Variants in ANGPT1 observed in about 807,000 individuals in gnomAD.
ANGPT1 encodes the protein angiopoietin 1.
In ANGPT1, 17 loss-of-function variants were observed where a neutral mutation model predicts 62.2. The ratio of observed to expected loss-of-function variants is 0.27; its 90% CI spans 0.19 to 0.41. The LOEUF (loss-of-function observed/expected upper bound fraction) is 0.41, where lower values mean the gene tolerates loss of function less well. Among genes scored for constraint, ANGPT1 ranks in the 10% least tolerant of loss-of-function variants. The pLI, the probability that ANGPT1 is intolerant of heterozygous loss-of-function variation, is 1.00. For synonymous variants in ANGPT1, 199 were observed against 198.9 expected, an observed-to-expected ratio of 1.00 and a Z score of 0.00; for missense variants, 478 against 594.9, an observed-to-expected ratio of 0.80 and a Z score of 2.04.
chr8:107,330,635 C>T (rs953249936), intron 3 of ANGPT1, among the ~76,000 whole-genome samples: 5 of 152,098 alleles, frequency 3.3e-5, no homozygotes, highest in African/African-American at 1.2e-4. Flanking sequence ...TGGCACATAG[C>T]TTAAACCCAG....
intron 5 of ANGPT1, among the ~76,000 whole-genome samples, chr8:107,301,156 A>T (rs1247248325): frequency 2.6e-5 from 4 of 151,964 alleles, no homozygotes; most frequent in Non-Finnish European, 5.9e-5. Context: ...TGATGAAGTC[A>T]AAAAAATTCT....
At chr8:107,348,278 A>G (rs1815855538) in intron 1 of ANGPT1, among the ~76,000 whole-genome samples, 1 of 152,190 alleles carries the variant, frequency 6.6e-6, no homozygotes, top group South Asian at 2.1e-4. Context: ...TAATACATCC[A>G]CTATTTCATA....
intron 1 of ANGPT1, among the ~76,000 whole-genome samples, chr8:107,468,459 T>C (rs1006864880): frequency 2.0e-5 from 3 of 152,114 alleles, no homozygotes; most frequent in African/African-American, 7.2e-5. Context: ...TTTGTAGTCA[T>C]ATCCTTTAAT....
chr8:107,432,402 C>T lies in ANGPT1; in HGVS notation c.297+64860G>A, dbSNP rs760515825. Among the ~76,000 whole-genome samples the T allele has an allele frequency of 2.6e-5, 4 of 152,264 alleles. No homozygotes were observed. The East Asian group carries it at 7.7e-4, about 29-fold the overall frequency. ...CAGTGAGGCTGGGCACGGTGGCTCA[C>T]GCCTGTAATCCCAGCACTTTGGGAG... is the stretch of plus-strand genomic sequence containing the variant. On this transcript the variant is annotated intron_variant, in intron 1 of 8. Coordinates refer to ENST00000517746, the MANE Select transcript of ANGPT1 (RefSeq NM_001146.5).
At chr8:107,336,544 A>G (rs1302915132) in intron 2 of ANGPT1, 7 of 253,750 alleles carry the variant, frequency 2.8e-5, no homozygotes, top group Non-Finnish European at 1.4e-5. Context: ...GGGCGCCTGT[A>G]GTCCCAGCTA....
Position 107,467,693 on chromosome 8 carries a change from A to T in ANGPT1, c.297+29569T>A, listed in dbSNP as rs181565330. On this transcript the variant is annotated intron_variant, in intron 1 of 8. Coordinates refer to ENST00000517746, the MANE Select transcript of ANGPT1 (RefSeq NM_001146.5). ...GATACTGAGCTTAGCTCTACGGTTT[A>T]AGGTAAAATTGACCACACAATGGCA... Among the ~76,000 whole-genome samples the T allele has an allele frequency of 2.7e-3, 407 of 152,200 alleles. 2 individuals carry two copies. The highest frequency in any genetic ancestry group is 9.6e-3 in the African/African-American group (399 of 41,542).
intron 4 of ANGPT1, among the ~76,000 whole-genome samples, chr8:107,318,012 G>A (rs1815060738): frequency 6.6e-6 from 1 of 152,130 alleles, no homozygotes; most frequent in African/African-American, 2.4e-5. Context: ...CCTTATTAAT[G>A]TAAATTACTT....
intron 6 of ANGPT1, among the ~76,000 whole-genome samples, chr8:107,285,911 A>G (rs1366494432): frequency 6.6e-6 from 1 of 152,156 alleles, no homozygotes; most frequent in East Asian, 1.9e-4. Context: ...TGAAGAGCTG[A>G]CATGCACTGA....
intron 4 of ANGPT1, among the ~76,000 whole-genome samples, chr8:107,320,614 T>G (rs1475440435): frequency 6.6e-6 from 1 of 152,128 alleles, no homozygotes; most frequent in Non-Finnish European, 1.5e-5. Flanking sequence ...GTCTGACTGA[T>G]TAGCAGGCTT....
intron 3 of ANGPT1, among the ~76,000 whole-genome samples, chr8:107,333,109 A>G (rs1815462061): frequency 6.6e-6 from 1 of 152,212 alleles, no homozygotes; most frequent in South Asian, 2.1e-4. Context: ...GAATAGGGAA[A>G]GTATGCTATG....
chr8:107,338,581 T>A (rs1450310186), intron 2 of ANGPT1, among the ~76,000 whole-genome samples: 1 of 152,238 alleles, frequency 6.6e-6, no homozygotes, highest in Non-Finnish European at 1.5e-5. Context: ...TAAAATGTAC[T>A]ACTACTAATC....
At chr8:107,287,453 G>T (rs868266746) in intron 6 of ANGPT1, among the ~76,000 whole-genome samples, 1 of 152,078 alleles carries the variant, frequency 6.6e-6, no homozygotes, top group Non-Finnish European at 1.5e-5. Context: ...CATTTATTTC[G>T]AGCTCCTTCC....
In ANGPT1 at chr8:107,274,473, T is replaced by G. The variant is rs563222166; in HGVS notation, c.1206-10122A>C. On this transcript the variant is annotated intron_variant, in intron 7 of 8. Coordinates refer to ENST00000517746, the MANE Select transcript of ANGPT1 (RefSeq NM_001146.5). ...CTGTGGGACAATTTTATTAATTTTT[T>G]TATTTACTTGCCAACAAGCAATATA... Among the ~76,000 whole-genome samples the G allele has an allele frequency of 3.9e-5, 6 of 152,312 alleles. No homozygotes were observed. In the East Asian group the frequency reaches 1.2e-3, roughly 29 times the overall value.
At chr8:107,419,141 G>C (rs978163182) in intron 1 of ANGPT1, among the ~76,000 whole-genome samples, 1 of 152,092 alleles carries the variant, frequency 6.6e-6, no homozygotes, top group African/African-American at 2.4e-5. Context: ...TTCAGAGACA[G>C]GGAGATGATG....
At chr8:107,299,436 T>C (rs1380860910) in intron 5 of ANGPT1, among the ~76,000 whole-genome samples, 3 of 138,974 alleles carry the variant, frequency 2.2e-5, no homozygotes, top group Non-Finnish European at 3.1e-5. Context: ...TACATATATA[T>C]ACTAAGCATA....
chr8:107,496,954 T>A (rs1047352746), intron 1 of ANGPT1, among the ~76,000 whole-genome samples: 1 of 152,228 alleles, frequency 6.6e-6, no homozygotes, highest in African/African-American at 2.4e-5. Flanking sequence ...ACTTTCTTTC[T>A]TAAGGTAGTG....
chr8:107,360,745 A>T (rs1816145030), intron 1 of ANGPT1, among the ~76,000 whole-genome samples: 1 of 152,132 alleles, frequency 6.6e-6, no homozygotes, highest in Non-Finnish European at 1.5e-5. Flanking sequence ...ACATTTGATG[A>T]TCACCGTCAG....
intron 1 of ANGPT1, among the ~76,000 whole-genome samples, chr8:107,408,846 T>A (rs552999318): frequency 6.6e-6 from 1 of 152,292 alleles, no homozygotes; most frequent in African/African-American, 2.4e-5. Flanking sequence ...AACCAGTAAT[T>A]TGAGGTAAGA....
chr8:107,395,659 T>C (rs191078369), intron 1 of ANGPT1, among the ~76,000 whole-genome samples: 34 of 152,330 alleles, frequency 2.2e-4, no homozygotes, highest in African/African-American at 7.9e-4. Flanking sequence ...AACTAAGATA[T>C]GTTGTCACTT....
Sources: allele counts gnomAD v4.1 joint callset (sites outside exome capture counted in the v4.1 genomes callset), GRCh38; gene constraint gnomAD v4.1.1; transcripts MANE v1.5; gene names NCBI Gene and HGNC (gene_info 2026-07-23, HGNC 2026-07-21).